The following PPL variants were observed in gnomAD, a reference collection of about 807,000 sequenced individuals.
PPL encodes the protein 190 kDa paraneoplastic pemphigus antigen.
PPL carries 198 observed loss-of-function variants against 194.4 expected under a neutral mutation model. That is an observed-to-expected ratio of 1.02 (90% CI 0.91 to 1.15). The LOEUF is 1.15. PPL is among the 50% of genes most tolerant of loss of function. The pLI, the probability that PPL is intolerant of heterozygous loss-of-function variation, is 0.00. For synonymous variants in PPL, 1,220 were observed against 972.4 expected (o/e 1.25, Z -4.74); for missense variants, 2,885 against 2,294.8 (o/e 1.26, Z -5.25).
chr16:4,883,392 G>A lies in PPL; in HGVS notation c.5263C>T (p.Gln1755Ter), dbSNP rs755377882. 2 of 1,613,984 alleles carry A rather than the reference G, an allele frequency of 1.2e-6. No homozygotes were observed. The highest frequency in any genetic ancestry group is 1.7e-6 in the Non-Finnish European group (2 of 1,180,018). ...IQELAVLVSG[Q>*]K is the part of the protein sequence containing the mutation. Reference sequence around the variant, plus strand: ...AGTTGCAAGAGCTGTGCCTACTTCTGCCCAGATACCAAGACCGCCAGCTCC... The same window carrying A: ...AGTTGCAAGAGCTGTGCCTACTTCTACCCAGATACCAAGACCGCCAGCTCC... Residue 1755 changes from glutamine (Q) to a stop codon, truncating the protein, a stop_gained, in exon 22 of 22, where the codon CAG (glutamine) becomes TAG (stop). Transcript: ENST00000345988. LOFTEE classifies it high-confidence loss of function. This position sits in a 1 kb window ranked among gnomAD's most constrained non-coding sequence, Gnocchi z 4.8.
Position 4,883,865 on chromosome 16 carries a change from C to T in PPL, c.4790G>A (p.Arg1597Gln), listed in dbSNP as rs138228343. The change falls in exon 22 of 22, where the codon CGG (arginine) becomes CAG (glutamine). Residue 1597 changes from arginine to glutamine, a missense_variant. Arg to Gln is a conservative substitution (Grantham distance 43, BLOSUM62 1). Coordinates refer to ENST00000345988, the MANE Select transcript of PPL (RefSeq NM_002705.5). The surrounding 1 kb of genome is among the most constrained non-coding windows in gnomAD (Gnocchi z 4.8). Reference sequence around the variant, plus strand: ...CCCAGAGTCCGCCACGGTCATGTTCCGCAGGTCTCGTGTTTCCGTCGCTGC... The same window carrying T: ...CCCAGAGTCCGCCACGGTCATGTTCTGCAGGTCTCGTGTTTCCGTCGCTGC... ...NMAATETRDL[R>Q]NMTVADSGTN... 39 of 1,614,012 alleles carry T rather than the reference C, an allele frequency of 2.4e-5. No individual in the cohort carries two copies. Among genetic ancestry groups the T allele is most frequent in the Middle Eastern group, 1.6e-4 (1 of 6,062 alleles).
At chr16:4,891,556 G>A in intron 16 of PPL, 1 of 412,208 alleles carries the variant, frequency 2.4e-6, no homozygotes, top group East Asian at 3.9e-5. Flanking sequence ...TGGTGTTACA[G>A]GCATGTGCCA....
intron 1 of PPL, among the ~76,000 whole-genome samples, chr16:4,928,810 C>T (rs1014229877): frequency 2.6e-5 from 4 of 151,760 alleles, no homozygotes; most frequent in Non-Finnish European, 5.9e-5. Flanking sequence ...CAGGTGTTTG[C>T]GACCAGCCTG....
Position 4,885,985 on chromosome 16 carries a change from C to T in PPL, c.2670G>A (p.Glu890=), listed in dbSNP as rs773042444. ...GTTCCTTCCTGATCTTCCACGCCTC[C>T]TCCACTCCAGAGTCCGGCCTATTCC... ...LQRNRPDSGV[E]EAWKIRKELD... The change falls in exon 22 of 22, where the codon GAG becomes GAA. Residue 890 remains glutamate (E), a synonymous_variant. Transcript: ENST00000345988. The surrounding 1 kb of genome is among the most constrained non-coding windows in gnomAD (Gnocchi z 6.3). 7 of 1,613,958 alleles carry T rather than the reference C, an allele frequency of 4.3e-6. No individual in the cohort carries two copies. In the Middle Eastern group the frequency reaches 4.9e-4, roughly 114 times the overall value.
intron 20 of PPL, 56 bp downstream of exon 20, chr16:4,888,046 G>T: frequency 7.8e-7 from 1 of 1,277,862 alleles, no homozygotes; most frequent in Non-Finnish European, 1.1e-6. Flanking sequence ...TCCCTGGGGA[G>T]CAGGGCAGCT....
rs1349269035 is a variant in PPL at position 4,890,750 on chromosome 16, G to C, written c.2140C>G (p.Leu714Val). 2 of 1,608,554 alleles carry C rather than the reference G, an allele frequency of 1.2e-6. No homozygotes were observed. Among genetic ancestry groups the C allele is most frequent in the Non-Finnish European group, 8.5e-7 (1 of 1,178,152 alleles). ...VHKLGQRFNN[L>V]RQQVERRAQS... ...CACCTGCGTTCCACCTGCTGGCGCAGGTTGTTGAAACGCTGGCCCAGCTTG... is the reference window on the plus strand; with the variant it reads ...CACCTGCGTTCCACCTGCTGGCGCACGTTGTTGAAACGCTGGCCCAGCTTG... Residue 714 changes from leucine (L) to valine (V), a missense_variant, in exon 17 of 22, where the codon CTG becomes GTG. Physicochemically the swap from Leu to Val is conservative, Grantham distance 32. Transcript: ENST00000345988.
chr16:4,922,444 C>T (rs1416479900), intron 1 of PPL, among the ~76,000 whole-genome samples: 1 of 152,136 alleles, frequency 6.6e-6, no homozygotes, highest in Non-Finnish European at 1.5e-5. Context: ...GGCAGATCAC[C>T]TGAGGTCAGG....
In PPL at chr16:4,936,159, T is replaced by A. The variant is rs1052248190; in HGVS notation, c.62+825A>T. ...AACACATCAAGACATGCCATTCCCC[T>A]CCCAGGCCGCCCTGGGAACCCGCGG... On this transcript the variant is annotated intron_variant, in intron 1 of 21. Transcript: ENST00000345988. Among the ~76,000 whole-genome samples, 23 of 152,188 alleles carry A rather than the reference T, an allele frequency of 1.5e-4. 1 individual carries two copies. The highest frequency in any genetic ancestry group is 1.5e-3 in the Admixed American group (23 of 15,300).
intron 1 of PPL, among the ~76,000 whole-genome samples, chr16:4,916,194 C>T (rs938054849): frequency 3.3e-5 from 5 of 152,110 alleles, no homozygotes; most frequent in African/African-American, 7.2e-5. Flanking sequence ...TCCACCCCTA[C>T]GTATTTTTTT....
At chr16:4,921,538 C>T (rs2089050406) in intron 1 of PPL, among the ~76,000 whole-genome samples, 1 of 152,184 alleles carries the variant, frequency 6.6e-6, no homozygotes, top group South Asian at 2.1e-4. Context: ...ATGATCTTGG[C>T]TCACTGCAAC....
Position 4,889,141 on chromosome 16 carries a change from C to T in PPL, c.2314-80G>A, listed in dbSNP as rs1270842163. On this transcript the variant is annotated intron_variant, in intron 18 of 21. Transcript: ENST00000345988. Reference sequence around the variant, plus strand: ...AACCATGGATGCAGTAGCTGGAAATCTCAGAATCTGAATTTATTCTTCTCT... The same window carrying T: ...AACCATGGATGCAGTAGCTGGAAATTTCAGAATCTGAATTTATTCTTCTCT... 9.1e-6 allele frequency: 10 copies of T among 1,096,276 alleles called. No homozygotes were observed. In the East Asian group the frequency reaches 9.5e-5, roughly 10 times the overall value. The allele number at this position is 1,096,276 out of a possible 1,614,324, so 67.9% of individuals were successfully genotyped here.
chr16:4,908,639 G>A (rs1451726052), intron 2 of PPL, among the ~76,000 whole-genome samples: 1 of 152,146 alleles, frequency 6.6e-6, no homozygotes, highest in African/African-American at 2.4e-5. Context: ...CCGGGCTTAA[G>A]CGAGCCTCCC....
chr16:4,917,396 A>G (rs998681046), intron 1 of PPL, among the ~76,000 whole-genome samples: 1 of 152,246 alleles, frequency 6.6e-6, no homozygotes, highest in African/African-American at 2.4e-5. Context: ...CAGTGAGAGA[A>G]GCCAGACACA....
chr16:4,916,263 A>T (rs2088914491), intron 1 of PPL, among the ~76,000 whole-genome samples: 1 of 151,894 alleles, frequency 6.6e-6, no homozygotes. Context: ...CCCAGGCTGG[A>T]GTGCACTGGC....
At chr16:4,895,451 T>C in intron 10 of PPL, 44 bp from the exon 11 acceptor site, 3 of 1,606,966 alleles carry the variant, frequency 1.9e-6, no homozygotes, top group Non-Finnish European at 2.5e-6. Context: ...CCAACAGCCT[T>C]CCCCCTGGTG....
intron 1 of PPL, among the ~76,000 whole-genome samples, chr16:4,925,012 C>T (rs966147214): frequency 2.0e-5 from 3 of 152,234 alleles, no homozygotes; most frequent in African/African-American, 7.2e-5. Flanking sequence ...TCAGCACTCC[C>T]TGCCTGGCCA....
chr16:4,909,093 C>T (rs1046056357), intron 2 of PPL, among the ~76,000 whole-genome samples: 2 of 151,994 alleles, frequency 1.3e-5, no homozygotes, highest in African/African-American at 4.8e-5. Context: ...AGGTGGAGGC[C>T]CAGGGGGGCA....
In PPL at chr16:4,883,197, C is replaced by T. The variant is rs1421325803; in HGVS notation, c.*187G>A. The T allele has an allele frequency of 5.7e-6, 4 of 695,724 alleles. No homozygotes were observed. Among genetic ancestry groups the T allele is most frequent in the Admixed American group, 2.9e-5 (1 of 34,822 alleles). The allele number at this position is 695,724 out of a possible 1,614,324, so 43.1% of individuals were successfully genotyped here. ...CACTCAGGGTGAATGATGGTTGGGACGAGAGTTGCCTGTCTTCAGCCAGTG... is the reference window on the plus strand; with the variant it reads ...CACTCAGGGTGAATGATGGTTGGGATGAGAGTTGCCTGTCTTCAGCCAGTG... On this transcript the variant is annotated 3_prime_UTR_variant, in exon 22 of 22. Transcript: ENST00000345988. The surrounding 1 kb of genome is among the most constrained non-coding windows in gnomAD (Gnocchi z 4.8).
intron 1 of PPL, among the ~76,000 whole-genome samples, chr16:4,918,356 C>T (rs898156893): frequency 6.6e-6 from 1 of 151,640 alleles, no homozygotes; most frequent in Non-Finnish European, 1.5e-5. Flanking sequence ...TCTCCTGAGT[C>T]AGGTCCTGCC....
Sources: allele counts gnomAD v4.1 joint callset (sites outside exome capture counted in the v4.1 genomes callset), GRCh38; gene constraint gnomAD v4.1.1; non-coding constraint Gnocchi (gnomAD v3.1); transcripts MANE v1.5; gene names NCBI Gene and HGNC (gene_info 2026-07-23, HGNC 2026-07-21).